Variants in GRIK4 observed in about 807,000 individuals in gnomAD.
GRIK4 encodes glutamate ionotropic receptor kainate type subunit 4.
A neutral mutation model predicts 104.9 loss-of-function variants in GRIK4; 40 were observed. The observed-to-expected ratio is 0.38, with a 90% CI of 0.30 to 0.50. The LOEUF (loss-of-function observed/expected upper bound fraction) is 0.50. Ranked by LOEUF, GRIK4 falls within the 20% of genes least tolerant of loss-of-function variation. GRIK4 has a pLI of 0.93. For synonymous variants in GRIK4, 485 were observed against 524.9 expected, an observed-to-expected ratio of 0.92 and a Z score of 1.04; for missense variants, 1,047 against 1,308.1, an observed-to-expected ratio of 0.80 and a Z score of 3.08.
intron 1 of GRIK4, among the ~76,000 whole-genome samples, chr11:120,597,011 C>T (rs1053065512): frequency 2.0e-5 from 3 of 152,212 alleles, no homozygotes; most frequent in Admixed American, 6.5e-5. Flanking sequence ...AGGTGTGAGC[C>T]ACCGCGCCTG....
At chr11:120,793,120 G>A (rs557982135) in intron 3 of GRIK4, among the ~76,000 whole-genome samples, 94 of 152,314 alleles carry the variant, frequency 6.2e-4, no homozygotes, top group African/African-American at 2.2e-3. Flanking sequence ...GTTAGACAAA[G>A]AATCAAAAGT....
chr11:120,679,503 T>A (rs998313151), intron 3 of GRIK4, among the ~76,000 whole-genome samples: 1 of 152,222 alleles, frequency 6.6e-6, no homozygotes, highest in Non-Finnish European at 1.5e-5. Flanking sequence ...TGCAGGGCCA[T>A]CTAATACAGT....
At chr11:120,852,058 A>T (rs979566767) in intron 8 of GRIK4, among the ~76,000 whole-genome samples, 11 of 152,348 alleles carry the variant, frequency 7.2e-5, no homozygotes, top group African/African-American at 2.4e-4. Context: ...CCTGCAGAAA[A>T]GCGGTAGCTC....
At chr11:120,575,359 C>T (rs1948468723) in intron 1 of GRIK4, among the ~76,000 whole-genome samples, 1 of 152,134 alleles carries the variant, frequency 6.6e-6, no homozygotes, top group South Asian at 2.1e-4. Flanking sequence ...ATTTAATTTT[C>T]ACACCTTATT....
intron 11 of GRIK4, among the ~76,000 whole-genome samples, chr11:120,875,648 G>A (rs934488192): frequency 1.3e-5 from 2 of 152,052 alleles, no homozygotes; most frequent in Non-Finnish European, 2.9e-5. Context: ...GCATGGCTGG[G>A]TCTCTCCTGT....
At chr11:120,675,903 A>G (rs1277379755) in intron 3 of GRIK4, among the ~76,000 whole-genome samples, 2 of 152,228 alleles carry the variant, frequency 1.3e-5, no homozygotes, top group Non-Finnish European at 2.9e-5. Context: ...ACATATTTTC[A>G]CAAACTTAGT....
intron 1 of GRIK4, among the ~76,000 whole-genome samples, chr11:120,526,092 C>T (rs956935762): frequency 2.6e-5 from 4 of 152,124 alleles, no homozygotes; most frequent in Non-Finnish European, 5.9e-5. Flanking sequence ...TAGCAGTTAG[C>T]CTTGGCAGGG....
chr11:120,973,744 C>T (rs1042971735), intron 19 of GRIK4, among the ~76,000 whole-genome samples: 3 of 152,188 alleles, frequency 2.0e-5, no homozygotes, highest in Non-Finnish European at 2.9e-5. Context: ...CGAAACTGCA[C>T]GTGACCTCTT....
chr11:120,968,513 C>G (rs1944421559), intron 19 of GRIK4, among the ~76,000 whole-genome samples: 1 of 152,200 alleles, frequency 6.6e-6, no homozygotes, highest in South Asian at 2.1e-4. Context: ...CCTGATGAGA[C>G]AGTGAATGAA....
chr11:120,588,703 G>A (rs928436475), intron 1 of GRIK4, among the ~76,000 whole-genome samples: 1 of 152,084 alleles, frequency 6.6e-6, no homozygotes, highest in Non-Finnish European at 1.5e-5. Context: ...CAACATTTTG[G>A]GCCGCACAAT....
chr11:120,716,589 A>G (rs963848530), intron 3 of GRIK4, among the ~76,000 whole-genome samples: 1 of 152,154 alleles, frequency 6.6e-6, no homozygotes, highest in African/African-American at 2.4e-5. Context: ...GCTCAGAGCT[A>G]TGGTACAAAA....
intron 3 of GRIK4, among the ~76,000 whole-genome samples, chr11:120,681,173 A>G (rs1267814171): frequency 6.6e-6 from 1 of 152,162 alleles, no homozygotes; most frequent in Admixed American, 6.5e-5. Flanking sequence ...CAAAGACAGG[A>G]TCATCAAAAA....
intron 12 of GRIK4, among the ~76,000 whole-genome samples, chr11:120,900,752 G>A (rs915113343): frequency 3.9e-5 from 6 of 152,138 alleles, no homozygotes; most frequent in Non-Finnish European, 5.9e-5. Flanking sequence ...ACAGGGAGCT[G>A]TCGAAGCAAG....
chr11:120,615,546 G>A (rs1321028841), intron 1 of GRIK4, among the ~76,000 whole-genome samples: 1 of 152,180 alleles, frequency 6.6e-6, no homozygotes, highest in Non-Finnish European at 1.5e-5. Context: ...AGCTGCCCGG[G>A]CTCTGGCTCT....
At chr11:120,758,549 C>T (rs952492987) in intron 3 of GRIK4, among the ~76,000 whole-genome samples, 3 of 152,204 alleles carry the variant, frequency 2.0e-5, no homozygotes, top group African/African-American at 7.2e-5. Flanking sequence ...AGGGTCAGCA[C>T]TGTAACCGTG....
intron 1 of GRIK4, among the ~76,000 whole-genome samples, chr11:120,650,108 G>A (rs374814341): frequency 3.8e-4 from 58 of 152,238 alleles, no homozygotes; most frequent in African/African-American, 1.3e-3. Context: ...TCCACCTCCC[G>A]TGGCTGGCAA....
intron 8 of GRIK4, among the ~76,000 whole-genome samples, chr11:120,852,711 G>C (rs1954001142): frequency 6.6e-6 from 1 of 152,204 alleles, no homozygotes; most frequent in Non-Finnish European, 1.5e-5. Context: ...GAGAGCACAG[G>C]CTTTGATGCA....
chr11:120,943,244 CAG>C (rs1205857636), intron 14 of GRIK4, among the ~76,000 whole-genome samples: 1 of 151,834 alleles, frequency 6.6e-6, no homozygotes, highest in Non-Finnish European at 1.5e-5. Context: ...TGATTGATAA[CAG>C]GGGGCCAAGC....
chr11:120,792,030 G>A (rs1177888705), intron 3 of GRIK4, among the ~76,000 whole-genome samples: 1 of 152,138 alleles, frequency 6.6e-6, no homozygotes. Context: ...ATTAAACCTC[G>A]AAAGTTGAAG....
Sources: gnomAD v4.1 joint callset for allele counts (sites outside exome capture counted in the v4.1 genomes callset) on GRCh38, gnomAD v4.1.1 for gene constraint, MANE v1.5 for transcripts, NCBI Gene and HGNC (gene_info 2026-07-23, HGNC 2026-07-21) for gene names.